Variants in ARID5A observed in about 807,000 individuals in gnomAD.
ARID5A encodes AT-rich interaction domain 5A.
ARID5A carries 14 observed loss-of-function variants against 30.5 expected under a neutral mutation model. The observed-to-expected ratio is 0.46, with a 90% CI of 0.30 to 0.72. The LOEUF (loss-of-function observed/expected upper bound fraction) is 0.72, where lower values mean the gene tolerates loss of function less well. ARID5A is among the 30% of genes least tolerant of loss of function. ARID5A has a pLI of 0.07. For missense variants in ARID5A, 669 were observed against 786.2 expected (o/e 0.85, Z 1.78); for synonymous variants, 338 against 340.4 (o/e 0.99, Z 0.08).
rs1330114461 is a variant in ARID5A, at chr2:96,552,538, T to C, written c.*225T>C. The C allele has an allele frequency of 6.5e-6, 10 of 1,529,244 alleles. No individual in the cohort carries two copies. The highest frequency in any genetic ancestry group is 8.7e-6 in the Non-Finnish European group (10 of 1,142,998). The allele number at this position is 1,529,244 out of a possible 1,614,324, so 94.7% of individuals were successfully genotyped here. A position where few individuals can be genotyped will look rare whatever the true frequency, so the allele number is the denominator to read the frequency against. On this transcript the variant is annotated 3_prime_UTR_variant, in exon 7 of 7. Transcript: ENST00000357485. ...AGAGGACCCAGTTGTTATAAGGCGC[T>C]GGGAGAGGATGGGCAGCTCCCACTG... is the stretch of plus-strand genomic sequence containing the variant.
rs997581728 is a variant in ARID5A at position 96,549,156 on chromosome 2, G to A, written c.121-165G>A. The stretch of plus-strand genomic sequence containing the variant: ...CTGAGAGCTGACACCTGTGTCTGCC[G>A]AACCCAGGAACAGTCACTCCCTCCC... On this transcript the variant is annotated intron_variant, in intron 2 of 6. Coordinates refer to ENST00000357485, the MANE Select transcript of ARID5A (RefSeq NM_212481.3). The surrounding 1 kb of genome is among the most constrained non-coding windows in gnomAD (Gnocchi z 6.1). Among the ~76,000 whole-genome samples the A allele has an allele frequency of 3.9e-5, 6 of 152,160 alleles. No individual in the cohort carries two copies. Among genetic ancestry groups the A allele is most frequent in the Admixed American group, 1.3e-4 (2 of 15,282 alleles).
In ARID5A at chr2:96,547,392, C is replaced by T; in HGVS notation, c.5-10C>T. On this transcript the variant is annotated splice_polypyrimidine_tract_variant and intron_variant, in intron 1 of 6. Coordinates refer to ENST00000357485, the MANE Select transcript of ARID5A (RefSeq NM_212481.3). ...CCCTTCCTCCTTACTCCTTCCCTCT[C>T]TCCTTGCAGCAGCCCCTGTCAAAGG... 6.2e-7 allele frequency: 1 copy of T among 1,612,564 alleles called. No individual in the cohort carries two copies. The highest frequency in any genetic ancestry group is 8.5e-7 in the Non-Finnish European group (1 of 1,178,876).
chr2:96,537,717 C>T lies in ARID5A; in HGVS notation c.4+887C>T, dbSNP rs983526905. 6.2e-6 allele frequency: 2 copies of T among 320,318 alleles called. No homozygotes were observed. The highest frequency in any genetic ancestry group is 4.5e-5 in the African/African-American group (2 of 44,472). The allele number at this position is 320,318 out of a possible 1,614,324, so 19.8% of individuals were successfully genotyped here. On this transcript the variant is annotated intron_variant, in intron 1 of 6. Coordinates refer to ENST00000357485, the MANE Select transcript of ARID5A (RefSeq NM_212481.3). The surrounding 1 kb of genome is among the most constrained non-coding windows in gnomAD (Gnocchi z 4.8). ...GCTCGGCGGGAGCTGCGGGCCAACC[C>T]GGGCCCGCGCTCCGTCCCTCCGCGG...
chr2:96,550,083 T>C lies in ARID5A; in HGVS notation c.313-105T>C. The C allele has an allele frequency of 6.5e-7, 1 of 1,532,120 alleles. No individual in the cohort carries two copies. Among genetic ancestry groups the C allele is most frequent in the African/African-American group, 1.4e-5 (1 of 72,976 alleles). The allele number at this position is 1,532,120 out of a possible 1,614,324, so 94.9% of individuals were successfully genotyped here. On this transcript the variant is annotated intron_variant, in intron 4 of 6. Transcript: ENST00000357485. The surrounding 1 kb of genome is among the most constrained non-coding windows in gnomAD (Gnocchi z 6.6). ...GCCGCTGCTGGAGCCGCAGAGCAGC[T>C]GCCAAACTGCAGTCCTTCGAGTCCC...
chr2:96,547,375 CCTT>C, intron 1 of ARID5A, 24 bp from the exon 2 acceptor site: 1 of 1,600,560 alleles, frequency 6.2e-7, no homozygotes, highest in South Asian at 1.1e-5. Flanking sequence ...ACCCCTTCCT[CCTT>C]ACTCCTTCCC....
rs2066069913 is a variant in ARID5A, at chr2:96,552,289, C to T, written c.1761C>T (p.Phe587=). The T allele has an allele frequency of 1.2e-6, 2 of 1,613,168 alleles. No homozygotes were observed. The highest frequency in any genetic ancestry group is 1.7e-6 in the Non-Finnish European group (2 of 1,179,804). ...TCACAACCTATGCAGCGCCCCACTTCTTCCACCTCAACACCAAGCTGTAGG... is the reference window on the plus strand; with the variant it reads ...TCACAACCTATGCAGCGCCCCACTTTTTCCACCTCAACACCAAGCTGTAGG... ...PPVTTYAAPH[F]FHLNTKL is the part of the protein sequence containing the mutation. Residue 587 remains phenylalanine, a synonymous_variant, in exon 7 of 7, where the codon TTC becomes TTT. Transcript: ENST00000357485.
At position 96,550,380 on chromosome 2, in the gene ARID5A, G is replaced by A. The variant is rs376144261; in HGVS notation, c.410+95G>A. 24 of 1,428,916 alleles carry A rather than the reference G, an allele frequency of 1.7e-5. No individual in the cohort carries two copies. In the East Asian group the frequency reaches 1.8e-4, roughly 11 times the overall value. The allele number at this position is 1,428,916 out of a possible 1,614,324, so 88.5% of individuals were successfully genotyped here. A position where few individuals can be genotyped will look rare whatever the true frequency, so the allele number is the denominator to read the frequency against. On this transcript the variant is annotated intron_variant, in intron 5 of 6. Transcript: ENST00000357485. The surrounding 1 kb of genome is among the most constrained non-coding windows in gnomAD (Gnocchi z 6.6). ...GGCCGGGTGGACTCTGCCCGGAGCG[G>A]GCAGGGTATGCGCCGTCCTCAGAGC...
intron 1 of ARID5A, among the ~76,000 whole-genome samples, chr2:96,542,496 G>C (rs1450676107): frequency 6.6e-6 from 1 of 152,180 alleles, no homozygotes; most frequent in African/African-American, 2.4e-5. Context: ...TCCAGGCAGA[G>C]CTTGCAAACT....
chr2:96,551,200 G>A lies in ARID5A; in HGVS notation c.672G>A (p.Gly224=), dbSNP rs2066033807. The change falls in exon 7 of 7, where the codon GGG becomes GGA. Residue 224 remains glycine, a synonymous_variant. Coordinates refer to ENST00000357485, the MANE Select transcript of ARID5A (RefSeq NM_212481.3). ...NSTEQQGLAS[G]SSVSFVGASG... ...CAGAACAGCAGGGCCTGGCCTCTGG[G>A]TCTTCTGTGTCCTTTGTGGGTGCCA... 19 of 1,613,906 alleles carry A rather than the reference G, an allele frequency of 1.2e-5. No individual in the cohort carries two copies. The highest frequency in any genetic ancestry group is 1.5e-5 in the Non-Finnish European group (18 of 1,180,022).
intron 6 of ARID5A, 49 bp from the exon 7 acceptor site, chr2:96,551,050 A>G: frequency 3.2e-6 from 5 of 1,559,240 alleles, no homozygotes; most frequent in Non-Finnish European, 4.3e-6. Context: ...TCCTCAGGTC[A>G]GGATGTGGGG....
intron 1 of ARID5A, among the ~76,000 whole-genome samples, chr2:96,545,923 C>T (rs887960893): frequency 2.6e-5 from 4 of 151,480 alleles, no homozygotes; most frequent in African/African-American, 9.7e-5. Flanking sequence ...CACTGCACTC[C>T]AGCCTGGGCA....
At chr2:96,543,319 C>T (rs772102985) in intron 1 of ARID5A, among the ~76,000 whole-genome samples, 22 of 152,220 alleles carry the variant, frequency 1.4e-4, no homozygotes, top group Non-Finnish European at 2.6e-4. Context: ...AGAGAATGTA[C>T]AGGCACACCT....
At position 96,537,108 on chromosome 2, in the gene ARID5A, G is replaced by A. The variant is rs1369882051; in HGVS notation, c.4+278G>A. ...GTTTTGGCGGCCAGGGGCTTCCCGG[G>A]CGTTTATCTCGAAACTCTTTTCGCC... On this transcript the variant is annotated intron_variant, in intron 1 of 6. Transcript: ENST00000357485. This position sits in a 1 kb window ranked among gnomAD's most constrained non-coding sequence, Gnocchi z 4.8. Among the ~76,000 whole-genome samples, 1 of 152,214 alleles carries A rather than the reference G, an allele frequency of 6.6e-6. No individual in the cohort carries two copies. The highest frequency in any genetic ancestry group is 2.4e-5 in the African/African-American group (1 of 41,460).
rs1178581393 is a variant in ARID5A, at chr2:96,550,255, C to T, written c.380C>T (p.Ala127Val). The T allele has an allele frequency of 1.3e-6, 2 of 1,496,390 alleles. No individual in the cohort carries two copies. Among genetic ancestry groups the T allele is most frequent in the African/African-American group, 1.4e-5 (1 of 70,506 alleles). 92.7% of individuals were successfully genotyped at this position (1,496,390 alleles called of 1,614,324 possible). ...ELGGSPGSTS[A>V]ATCTRRHYER... is the part of the protein sequence containing the mutation. ...GGGGGCAGCCCAGGCAGCACCAGCG[C>T]GGCCACGTGCACGCGCCGCCACTAC... The change falls in exon 5 of 7, where the codon GCG (alanine) becomes GTG (valine). Residue 127 changes from alanine (A) to valine (V), a missense_variant. Ala to Val is a moderately conservative substitution (Grantham distance 64). Coordinates refer to ENST00000357485, the MANE Select transcript of ARID5A (RefSeq NM_212481.3). The surrounding 1 kb of genome is among the most constrained non-coding windows in gnomAD (Gnocchi z 6.6).
intron 1 of ARID5A, among the ~76,000 whole-genome samples, chr2:96,542,670 A>G (rs1437416687): frequency 6.6e-6 from 1 of 152,180 alleles, no homozygotes; most frequent in Non-Finnish European, 1.5e-5. Flanking sequence ...GGTGATTCTG[A>G]TGGGCCCTGT....
chr2:96,546,719 G>C (rs774385461), intron 1 of ARID5A, among the ~76,000 whole-genome samples: 2 of 152,248 alleles, frequency 1.3e-5, no homozygotes, highest in African/African-American at 2.4e-5. Context: ...ACCCTTGTAG[G>C]TGAGGAGAGC....
Position 96,551,794 on chromosome 2 carries a change from C to T in ARID5A, c.1266C>T (p.Ala422=). Reference sequence around the variant, plus strand: ...AAGCCTGCTGGGTGTCCCCCATGGCCAAGGTCCCAGCCGAGAGCCCCACGC... The same window carrying T: ...AAGCCTGCTGGGTGTCCCCCATGGCTAAGGTCCCAGCCGAGAGCCCCACGC... ...KPKACWVSPM[A]KVPAESPTLP... The change falls in exon 7 of 7, where the codon GCC becomes GCT. Residue 422 remains alanine, a synonymous_variant. Coordinates refer to ENST00000357485, the MANE Select transcript of ARID5A (RefSeq NM_212481.3). 2 of 1,567,608 alleles carry T rather than the reference C, an allele frequency of 1.3e-6. No homozygotes were observed. The highest frequency in any genetic ancestry group is 1.7e-6 in the Non-Finnish European group (2 of 1,160,808).
At chr2:96,536,941 G>A (rs1258431335) in intron 1 of ARID5A, 111 bp downstream of exon 1, 5 of 1,181,152 alleles carry the variant, frequency 4.2e-6, no homozygotes, top group Non-Finnish European at 5.3e-6. Context: ...TGCGCTGTGT[G>A]GGGCGGAGAG....
Position 96,552,292 on chromosome 2 carries a change from C to T in ARID5A, c.1764C>T (p.Phe588=), listed in dbSNP as rs1227119955. The change falls in exon 7 of 7, where the codon TTC becomes TTT. Residue 588 remains phenylalanine, a synonymous_variant. Coordinates refer to ENST00000357485, the MANE Select transcript of ARID5A (RefSeq NM_212481.3). ...CAACCTATGCAGCGCCCCACTTCTTCCACCTCAACACCAAGCTGTAGGCCA... is the reference window on the plus strand; with the variant it reads ...CAACCTATGCAGCGCCCCACTTCTTTCACCTCAACACCAAGCTGTAGGCCA... ...PVTTYAAPHF[F]HLNTKL 2 of 1,613,034 alleles carry T rather than the reference C, an allele frequency of 1.2e-6. No individual in the cohort carries two copies. Among genetic ancestry groups the T allele is most frequent in the African/African-American group, 1.3e-5 (1 of 74,946 alleles).
Sources: allele counts gnomAD v4.1 joint callset (sites outside exome capture counted in the v4.1 genomes callset), GRCh38; gene constraint gnomAD v4.1.1; non-coding constraint Gnocchi (gnomAD v3.1); transcripts MANE v1.5; gene names NCBI Gene and HGNC (gene_info 2026-07-23, HGNC 2026-07-21).